The following ZNG1A variants were observed in gnomAD, a reference collection of about 807,000 sequenced individuals.
ZNG1A encodes the protein zinc-regulated GTPase metalloprotein activator 1A.
At chr9:142,324 G>C in the ZNG1A span, among the ~76,000 whole-genome samples, 1 of 105,314 alleles carries the variant, frequency 9.5e-6, no homozygotes, top group Non-Finnish European at 1.8e-5. Context: ...TAAAAGAACA[G>C]AAATTATAAG....
the ZNG1A span, among the ~76,000 whole-genome samples, chr9:168,454 A>G: frequency 1.2e-3 from 184 of 150,946 alleles, 1 homozygote; most frequent in African/African-American, 3.3e-3. Flanking sequence ...GGGTTTCACT[A>G]TGTTGGCCAG....
chr9:131,822 T>C, the ZNG1A span, among the ~76,000 whole-genome samples: 291 of 149,834 alleles, frequency 1.9e-3, 21 homozygotes, highest in African/African-American at 6.8e-3. Flanking sequence ...AAGTCCAATC[T>C]AGCTTACATA....
the ZNG1A span, chr9:121,385 A>G: frequency 2.3e-6 from 2 of 853,394 alleles, no homozygotes; most frequent in South Asian, 2.9e-5. Context: ...TCGTAACTAA[A>G]GTAATAAATA....
chr9:172,983 A>G, the ZNG1A span: 1 of 308,438 alleles, frequency 3.2e-6, no homozygotes, highest in East Asian at 7.3e-5. Context: ...TTAAATTCAG[A>G]ATAATCATTT....
At chr9:156,158 T>C in the ZNG1A span, among the ~76,000 whole-genome samples, 4 of 142,794 alleles carry the variant, frequency 2.8e-5, no homozygotes, top group African/African-American at 1.0e-4. Flanking sequence ...ATTATACATA[T>C]ATATATATAT....
the ZNG1A span, among the ~76,000 whole-genome samples, chr9:155,548 G>C: frequency 3.3e-5 from 5 of 152,058 alleles, no homozygotes; most frequent in African/African-American, 1.2e-4. Flanking sequence ...AGATAACAAA[G>C]TAGATGATAA....
the ZNG1A span, among the ~76,000 whole-genome samples, chr9:175,339 C>T: frequency 1.3e-5 from 2 of 151,574 alleles, no homozygotes; most frequent in Non-Finnish European, 2.9e-5. Flanking sequence ...GATTGCACCA[C>T]TGCACTCCAG....
the ZNG1A span, among the ~76,000 whole-genome samples, chr9:139,797 G>T: frequency 7.9e-5 from 12 of 151,658 alleles, no homozygotes; most frequent in African/African-American, 2.9e-4. Flanking sequence ...GCAGGTCAGT[G>T]GGTGCGTGCA....
the ZNG1A span, chr9:156,622 C>T: frequency 2.6e-5 from 33 of 1,275,372 alleles, no homozygotes; most frequent in East Asian, 1.9e-4. Flanking sequence ...TTTCTTGCAT[C>T]TAATAAAAAC....
chr9:141,804 G>A, the ZNG1A span, among the ~76,000 whole-genome samples: 3 of 152,204 alleles, frequency 2.0e-5, no homozygotes, highest in South Asian at 2.1e-4. Flanking sequence ...CCCATCTCAC[G>A]TGCAGAGACA....
the ZNG1A span, chr9:172,161 A>G: frequency 6.2e-7 from 1 of 1,611,226 alleles, no homozygotes; most frequent in African/African-American, 1.3e-5. Flanking sequence ...AATAGCTCTA[A>G]GGCCACTGTC....
the ZNG1A span, chr9:150,822 C>A: frequency 1.1e-6 from 1 of 922,656 alleles, no homozygotes; most frequent in Non-Finnish European, 1.3e-6. Flanking sequence ...TTATTCAGGA[C>A]ATGGATATTT....
chr9:155,512 G>A, the ZNG1A span, among the ~76,000 whole-genome samples: 1,838 of 152,080 alleles, frequency 0.012, 28 homozygotes, highest in African/African-American at 0.042. Flanking sequence ...TATTATCTCT[G>A]TAAAGAATCC....
At chr9:129,161 G>T in the ZNG1A span, among the ~76,000 whole-genome samples, 1 of 152,118 alleles carries the variant, frequency 6.6e-6, no homozygotes, top group Non-Finnish European at 1.5e-5. Context: ...TTGGCCTGCT[G>T]CAGGGAGGTG....
At chr9:139,304 A>G in the ZNG1A span, among the ~76,000 whole-genome samples, 30 of 150,776 alleles carry the variant, frequency 2.0e-4, no homozygotes, top group Non-Finnish European at 3.8e-4. Context: ...TGCGTCAGGT[A>G]ATTAAAATAG....
At chr9:169,798 G>GT in the ZNG1A span, among the ~76,000 whole-genome samples, 68 of 136,730 alleles carry the variant, frequency 5.0e-4, 1 homozygote, top group Admixed American at 6.6e-4. Context: ...AGGTATGTAT[G>GT]TTTTTTAGAC....
At chr9:121,818 C>G in the ZNG1A span, 1 of 1,379,596 alleles carries the variant, frequency 7.2e-7, no homozygotes, top group Non-Finnish European at 9.8e-7. Context: ...AACGTTGTAA[C>G]GTGATAAAGA....
the ZNG1A span, among the ~76,000 whole-genome samples, chr9:165,207 A>G: frequency 0.013 from 2,042 of 152,160 alleles, 15 homozygotes; most frequent in Middle Eastern, 0.044. Flanking sequence ...ATGAGGGGGG[A>G]AATTAAATCT....
At chr9:140,588 ACT>A in the ZNG1A span, among the ~76,000 whole-genome samples, 2 of 149,440 alleles carry the variant, frequency 1.3e-5, no homozygotes, top group African/African-American at 4.9e-5. Flanking sequence ...AAAACTGGAA[ACT>A]CTAAAAAGCA....
Sources: gnomAD v4.1 joint callset for allele counts (sites outside exome capture counted in the v4.1 genomes callset) on GRCh38, gnomAD v4.1.1 for gene constraint, MANE v1.5 for transcripts, NCBI Gene and HGNC (gene_info 2026-07-23, HGNC 2026-07-21) for gene names.